Variants in MACROD2 observed in about 807,000 individuals in gnomAD.
MACROD2 encodes the protein ADP-ribose glycohydrolase MACROD2.
Under a neutral mutation model 70.4 loss-of-function variants are expected in MACROD2, and 36 were observed. That is an observed-to-expected ratio of 0.51 (90% CI 0.39 to 0.68). The LOEUF (loss-of-function observed/expected upper bound fraction) is 0.68, where lower values mean the gene tolerates loss of function less well. Ranked by LOEUF, MACROD2 falls within the 30% of genes least tolerant of loss-of-function variation. MACROD2 has a pLI of 0.00. For missense variants in MACROD2, 496 were observed against 538.4 expected, an observed-to-expected ratio of 0.92 and a Z score of 0.78; for synonymous variants, 172 against 178.8, an observed-to-expected ratio of 0.96 and a Z score of 0.30.
chr20:14,515,463 A>ACACACACGCGCG (rs34190778), intron 4 of MACROD2, among the ~76,000 whole-genome samples: 2 of 138,818 alleles, frequency 1.4e-5, no homozygotes, highest in Non-Finnish European at 3.1e-5. Flanking sequence ...ATACACACAC[A>ACACACACGCGCG]CGCACACACA....
intron 5 of MACROD2, among the ~76,000 whole-genome samples, chr20:14,896,578 T>TA (rs1429061667): frequency 6.6e-6 from 1 of 151,952 alleles, no homozygotes; most frequent in Non-Finnish European, 1.5e-5. Flanking sequence ...CTTATTCTGA[T>TA]ACCCTCCTCA....
At chr20:15,939,359 G>A (rs2065715773) in intron 12 of MACROD2, among the ~76,000 whole-genome samples, 1 of 152,142 alleles carries the variant, frequency 6.6e-6, no homozygotes, top group Admixed American at 6.5e-5. Context: ...TGAAGACAAT[G>A]CTCATTTACT....
At chr20:15,228,489 T>TTC (rs1378953296) in intron 5 of MACROD2, among the ~76,000 whole-genome samples, 8 of 136,076 alleles carry the variant, frequency 5.9e-5, no homozygotes, top group Middle Eastern at 3.7e-3. Flanking sequence ...CCTTCTTTCT[T>TTC]TTTTTTTTTT....
intron 6 of MACROD2, among the ~76,000 whole-genome samples, chr20:15,290,899 T>C (rs1199507073): frequency 6.6e-6 from 1 of 152,192 alleles, no homozygotes; most frequent in African/African-American, 2.4e-5. Flanking sequence ...GAAAATAACA[T>C]GCTATTCCTA....
chr20:14,747,334 T>C (rs1183000721), intron 5 of MACROD2, among the ~76,000 whole-genome samples: 1 of 152,118 alleles, frequency 6.6e-6, no homozygotes, highest in Non-Finnish European at 1.5e-5. Flanking sequence ...GACTATGTAA[T>C]AGAGCTTAAG....
chr20:15,991,192 G>A (rs145151316), intron 15 of MACROD2, among the ~76,000 whole-genome samples: 195 of 152,296 alleles, frequency 1.3e-3, no homozygotes, highest in African/African-American at 4.6e-3. Context: ...TCAGAACCAA[G>A]CTGGATTTCC....
chr20:16,036,288 G>C (rs2327984), intron 15 of MACROD2, among the ~76,000 whole-genome samples: 361 of 34,414 alleles, frequency 0.01, 4 homozygotes, highest in East Asian at 0.1. Context: ...CTCCTCCCCC[G>C]GCCAGCATCT....
intron 3 of MACROD2, among the ~76,000 whole-genome samples, chr20:14,235,592 C>A (rs908798998): frequency 5.3e-5 from 8 of 152,184 alleles, no homozygotes; most frequent in African/African-American, 4.8e-5. Context: ...TGTAGAGGAA[C>A]AACCAACTAC....
chr20:14,428,914 C>T (rs1411261239), intron 3 of MACROD2, among the ~76,000 whole-genome samples: 6 of 152,086 alleles, frequency 3.9e-5, no homozygotes, highest in South Asian at 4.1e-4. Flanking sequence ...TTATGCTTTT[C>T]GATGAGGTAA....
At chr20:15,414,223 A>G (rs2046116828) in intron 6 of MACROD2, among the ~76,000 whole-genome samples, 1 of 152,184 alleles carries the variant, frequency 6.6e-6, no homozygotes, top group African/African-American at 2.4e-5. Context: ...GAAAGTTCTT[A>G]GTTTGAAGAA....
At chr20:15,663,995 T>C (rs367682228) in intron 8 of MACROD2, among the ~76,000 whole-genome samples, 1 of 152,322 alleles carries the variant, frequency 6.6e-6, no homozygotes, top group African/African-American at 2.4e-5. Flanking sequence ...CCCTGTAAGA[T>C]GTAACTCACA....
intron 5 of MACROD2, among the ~76,000 whole-genome samples, chr20:14,834,616 A>G: frequency 6.6e-6 from 1 of 152,064 alleles, no homozygotes; most frequent in East Asian, 1.9e-4. Context: ...ATACTTCAAA[A>G]TATATTAGAG....
chr20:14,314,691 C>A (rs1028219097), intron 3 of MACROD2, among the ~76,000 whole-genome samples: 2 of 151,968 alleles, frequency 1.3e-5, no homozygotes, highest in Non-Finnish European at 2.9e-5. Flanking sequence ...ACCTGGGAGG[C>A]GGAGGTTGGG....
intron 3 of MACROD2, among the ~76,000 whole-genome samples, chr20:14,241,706 T>C (rs1230053217): frequency 6.6e-6 from 1 of 152,052 alleles, no homozygotes; most frequent in Admixed American, 6.6e-5. Context: ...ACCTGTGGGA[T>C]GATGTGTTAG....
chr20:15,251,239 C>T (rs762203093), intron 6 of MACROD2, among the ~76,000 whole-genome samples: 4 of 152,174 alleles, frequency 2.6e-5, no homozygotes, highest in Admixed American at 1.3e-4. Context: ...AAATGGATTC[C>T]CTGCCACTGA....
At chr20:14,639,771 A>G (rs1013234501) in intron 4 of MACROD2, among the ~76,000 whole-genome samples, 7 of 152,190 alleles carry the variant, frequency 4.6e-5, no homozygotes, top group Admixed American at 4.6e-4. Flanking sequence ...TTAAGTTCTT[A>G]AGTTTCAGGA....
intron 5 of MACROD2, among the ~76,000 whole-genome samples, chr20:14,855,759 A>G (rs2073249677): frequency 6.6e-6 from 1 of 151,954 alleles, no homozygotes; most frequent in Non-Finnish European, 1.5e-5. Context: ...ACGAGACTAA[A>G]TTCTCATATA....
In MACROD2 at chr20:14,938,663, C is replaced by T. The variant is rs189187654; in HGVS notation, c.418+253704C>T. Among the ~76,000 whole-genome samples, 334 of 152,146 alleles carry T rather than the reference C, an allele frequency of 2.2e-3. 1 individual carries two copies. Among genetic ancestry groups the T allele is most frequent in the African/African-American group, 7.5e-3 (310 of 41,490 alleles). On this transcript the variant is annotated intron_variant, in intron 5 of 17. Transcript: ENST00000684519. ...AGGCTTGATGGCAGGTGCCTGTAAT[C>T]CCAGCTACTAAGGAGGCTGGGGCGG...
chr20:14,336,765 T>A (rs1449291967), intron 3 of MACROD2, among the ~76,000 whole-genome samples: 1 of 152,210 alleles, frequency 6.6e-6, no homozygotes, highest in Non-Finnish European at 1.5e-5. Flanking sequence ...AGAGGGAATA[T>A]GGTTTGGAAG....
Sources: gnomAD v4.1 joint callset for allele counts (sites outside exome capture counted in the v4.1 genomes callset) on GRCh38, gnomAD v4.1.1 for gene constraint, MANE v1.5 for transcripts, NCBI Gene and HGNC (gene_info 2026-07-23, HGNC 2026-07-21) for gene names.